Variants in NSD2 observed in about 807,000 individuals in gnomAD.
NSD2 encodes the protein histone-lysine N-methyltransferase NSD2.
A neutral mutation model predicts 139.0 loss-of-function variants in NSD2; 12 were observed. The observed-to-expected ratio is 0.09, with a 90% CI of 0.06 to 0.14. The LOEUF (loss-of-function observed/expected upper bound fraction) is 0.14. Among genes scored for constraint, NSD2 ranks in the 10% least tolerant of loss-of-function variants. NSD2 has a pLI of 1.00. For synonymous variants in NSD2, 669 were observed against 648.7 expected (o/e 1.03, Z -0.48); for missense variants, 1,155 against 1,745.0 (o/e 0.66, Z 6.02).
At chr4:1,885,068 C>A (rs543854447) in intron 1 of NSD2, among the ~76,000 whole-genome samples, 4 of 151,832 alleles carry the variant, frequency 2.6e-5, no homozygotes, top group African/African-American at 9.7e-5. Context: ...CGAGATCATG[C>A]CATTGTATTC....
chr4:1,944,342 A>G, intron 9 of NSD2: 1 of 1,066,204 alleles, frequency 9.4e-7, no homozygotes. Context: ...ACAGAAATTC[A>G]TTATGCTGCT....
At position 1,974,652 on chromosome 4, in the gene NSD2, G is replaced by A. The variant is rs568621047; in HGVS notation, c.3373-211G>A. Reference sequence around the variant, plus strand: ...TCCTCCCCGGCGCTCACTAAGGCTCGGTCCTCTCCACGTGGTCCTGACCTG... The same window carrying A: ...TCCTCCCCGGCGCTCACTAAGGCTCAGTCCTCTCCACGTGGTCCTGACCTG... On this transcript the variant is annotated intron_variant, in intron 18 of 21. Coordinates refer to ENST00000508803, the MANE Select transcript of NSD2 (RefSeq NM_001042424.3). This position sits in a 1 kb window ranked among gnomAD's most constrained non-coding sequence, Gnocchi z 4.0. 88 of 762,622 alleles carry A rather than the reference G, an allele frequency of 1.2e-4. No homozygotes were observed. In the Admixed American group the frequency reaches 1.2e-3, roughly 10 times the overall value. The allele number at this position is 762,622 out of a possible 1,614,324, so 47.2% of individuals were successfully genotyped here. A position where few individuals can be genotyped will look rare whatever the true frequency, so the allele number is the denominator to read the frequency against.
Position 1,942,380 on chromosome 4 carries a change from A to T in NSD2, c.1881+2602A>T. ...CACCAGTCAAGTTGGATTTGAACCCAGCTGCTCTGTACTGCACTTAGAATG... is the reference window on the plus strand; with the variant it reads ...CACCAGTCAAGTTGGATTTGAACCCTGCTGCTCTGTACTGCACTTAGAATG... On this transcript the variant is annotated intron_variant, in intron 9 of 21. Coordinates refer to ENST00000508803, the MANE Select transcript of NSD2 (RefSeq NM_001042424.3). The surrounding 1 kb of genome is among the most constrained non-coding windows in gnomAD (Gnocchi z 4.0). The T allele has an allele frequency of 6.2e-7, 1 of 1,613,964 alleles. No individual in the cohort carries two copies. The highest frequency in any genetic ancestry group is 8.5e-7 in the Non-Finnish European group (1 of 1,180,004).
In NSD2 at chr4:1,916,973, G is replaced by A. The variant is rs754805178; in HGVS notation, c.863G>A (p.Gly288Glu). 3.0e-5 allele frequency: 49 copies of A among 1,613,984 alleles called. No homozygotes were observed. The highest frequency in any genetic ancestry group is 4.0e-5 in the Non-Finnish European group (47 of 1,180,002). ...AGCCTCGTAGCTTTTGAAGGAGAAG[G>A]ACAGTTTGAAAAATTATGCCAGGAA... is the stretch of plus-strand genomic sequence containing the variant. ...EKSLVAFEGE[G>E]QFEKLCQESA... Residue 288 changes from glycine (G) to glutamate (E), a missense_variant, in exon 4 of 22, where the codon GGA (glycine) becomes GAA (glutamate). Gly to Glu is a moderately conservative substitution (Grantham distance 98, BLOSUM62 -2). Coordinates refer to ENST00000508803, the MANE Select transcript of NSD2 (RefSeq NM_001042424.3).
chr4:1,950,751 CTT>C lies in NSD2; in HGVS notation c.1882-320_1882-319del, dbSNP rs1560742570. ...AAGATTCTTGTTCCAAAAAGCCTGT[CTT>C]AGTTCACCTACTAGAGCAAATTGGA... On this transcript the variant is annotated intron_variant, in intron 9 of 21. Coordinates refer to ENST00000508803, the MANE Select transcript of NSD2 (RefSeq NM_001042424.3). Among the ~76,000 whole-genome samples, 36 of 152,346 alleles carry C rather than the reference CTT, an allele frequency of 2.4e-4. 1 individual carries two copies. The South Asian group carries it at 4.3e-3, about 18-fold the overall frequency.
At chr4:1,978,301 A>G (rs1201953141) in intron 21 of NSD2, among the ~76,000 whole-genome samples, 8 of 152,146 alleles carry the variant, frequency 5.3e-5, no homozygotes, top group Admixed American at 3.3e-4. Context: ...CCCTTGGGAG[A>G]GGGCAGGTCA....
In NSD2 at chr4:1,953,021, T is replaced by C. The variant is rs962445693; in HGVS notation, c.2138-303T>C. 2.2e-5 allele frequency: 32 copies of C among 1,441,778 alleles called. No homozygotes were observed. In the South Asian group the frequency reaches 4.3e-4, roughly 19 times the overall value. 89.3% of individuals were successfully genotyped at this position (1,441,778 alleles called of 1,614,324 possible). A position where few individuals can be genotyped will look rare whatever the true frequency, so the allele number is the denominator to read the frequency against. ...CTCAAGGAGGAAAGGCCTCTTTTCA[T>C]AGGAGCCCCTTCTTTCAAGCTTCTT... On this transcript the variant is annotated intron_variant, in intron 11 of 21. Coordinates refer to ENST00000508803, the MANE Select transcript of NSD2 (RefSeq NM_001042424.3).
chr4:1,907,825 A>G (rs1460389970), intron 3 of NSD2, among the ~76,000 whole-genome samples: 1 of 152,010 alleles, frequency 6.6e-6, no homozygotes, highest in African/African-American at 2.4e-5. Flanking sequence ...GTTGGCCAGG[A>G]TGATCTTGAT....
chr4:1,915,845 G>T (rs1719316243), intron 3 of NSD2, among the ~76,000 whole-genome samples: 1 of 152,116 alleles, frequency 6.6e-6, no homozygotes, highest in Non-Finnish European at 1.5e-5. Context: ...GAGGGGACAG[G>T]GAGTGGTAAC....
chr4:1,889,504 C>CT (rs768102024), intron 1 of NSD2, among the ~76,000 whole-genome samples: 195 of 142,262 alleles, frequency 1.4e-3, no homozygotes, highest in African/African-American at 1.4e-3. Context: ...CAAGATTTGA[C>CT]TTTTTTTTTT....
chr4:1,926,236 C>T (rs1720900040), intron 5 of NSD2, among the ~76,000 whole-genome samples: 1 of 150,794 alleles, frequency 6.6e-6, no homozygotes, highest in Non-Finnish European at 1.5e-5. Flanking sequence ...CTCACTGCAA[C>T]CTCCGTCTCC....
Position 1,933,066 on chromosome 4 carries a change from G to A in NSD2, c.1556-2078G>A, listed in dbSNP as rs181568032. ...CGGGCTTCTTCCCCAGACTGCCTTTGCACCAGCCTGCAGTGGTGTGGCCAG... is the reference window on the plus strand; with the variant it reads ...CGGGCTTCTTCCCCAGACTGCCTTTACACCAGCCTGCAGTGGTGTGGCCAG... On this transcript the variant is annotated intron_variant, in intron 6 of 21. Coordinates refer to ENST00000508803, the MANE Select transcript of NSD2 (RefSeq NM_001042424.3). Among the ~76,000 whole-genome samples the A allele has an allele frequency of 1.4e-4, 21 of 152,322 alleles. No individual in the cohort carries two copies. In the East Asian group the frequency reaches 3.3e-3, roughly 24 times the overall value.
Position 1,886,550 on chromosome 4 carries a change from G to A in NSD2, c.-29-14076G>A, listed in dbSNP as rs117060816. ...ATCTGTACTTTAAAAAGTAACTTGC[G>A]GCTGGGCGCGGTGACTCACGCCTGT... On this transcript the variant is annotated intron_variant, in intron 1 of 21. Transcript: ENST00000508803. 4.1e-4 allele frequency among the ~76,000 whole-genome samples: 63 copies of A among 152,170 alleles called. 2 individuals carry two copies. The East Asian group carries it at 0.012, about 28-fold the overall frequency.
At chr4:1,884,518 C>T (rs1487394691) in intron 1 of NSD2, among the ~76,000 whole-genome samples, 3 of 152,028 alleles carry the variant, frequency 2.0e-5, no homozygotes, top group Non-Finnish European at 1.5e-5. Flanking sequence ...CTCAGCCTCC[C>T]GAGTAGCTGG....
At chr4:1,886,379 G>A (rs917773392) in intron 1 of NSD2, among the ~76,000 whole-genome samples, 1 of 151,962 alleles carries the variant, frequency 6.6e-6, no homozygotes, top group Non-Finnish European at 1.5e-5. Flanking sequence ...GCTAATTTTT[G>A]TATTTTTAAT....
At position 1,939,714 on chromosome 4, in the gene NSD2, C is replaced by A. The variant is rs1030558419; in HGVS notation, c.1817C>A (p.Ala606Glu). 1 of 1,614,246 alleles carries A rather than the reference C, an allele frequency of 6.2e-7. No homozygotes were observed. The highest frequency in any genetic ancestry group is 1.1e-5 in the South Asian group (1 of 91,082). Residue 606 changes from alanine to glutamate, a missense_variant, in exon 9 of 22, where the codon GCA becomes GAA. Physicochemically the swap from Ala to Glu is moderately radical, Grantham distance 107. This residue lies in a region of NSD2 where 420 missense variants were observed against 469.0 expected (regional missense o/e 0.90). Coordinates refer to ENST00000508803, the MANE Select transcript of NSD2 (RefSeq NM_001042424.3). Reference sequence around the variant, plus strand: ...AAGAAGCGAAATCGGGCTTCCACGGCAGCATCTTCAGCTCTTGGGTTTAGC... The same window carrying A: ...AAGAAGCGAAATCGGGCTTCCACGGAAGCATCTTCAGCTCTTGGGTTTAGC... Reference protein sequence around the residue: ...PLKKRNRASTAASSALGFSKS... With the variant: ...PLKKRNRASTEASSALGFSKS...
chr4:1,873,673 C>A (rs1035472755), intron 1 of NSD2, among the ~76,000 whole-genome samples: 3 of 152,158 alleles, frequency 2.0e-5, no homozygotes, highest in Admixed American at 2.0e-4. Flanking sequence ...TCAAATCTTA[C>A]AAAGTTTACT....
chr4:1,928,162 G>A (rs917274285), intron 5 of NSD2, among the ~76,000 whole-genome samples: 4 of 151,308 alleles, frequency 2.6e-5, no homozygotes, highest in African/African-American at 9.7e-5. Flanking sequence ...TTAGGCCTCC[G>A]AAAATGTTGG....
chr4:1,882,914 G>A (rs1022852042), intron 1 of NSD2, among the ~76,000 whole-genome samples: 1 of 152,180 alleles, frequency 6.6e-6, no homozygotes, highest in Non-Finnish European at 1.5e-5. Context: ...ATGCCCTTGA[G>A]TTGAGAGCTA....
Sources: allele counts gnomAD v4.1 joint callset (sites outside exome capture counted in the v4.1 genomes callset), GRCh38; gene constraint gnomAD v4.1.1; regional missense constraint gnomAD v4.1.1; non-coding constraint Gnocchi (gnomAD v3.1); transcripts MANE v1.5; gene names NCBI Gene and HGNC (gene_info 2026-07-23, HGNC 2026-07-21).